The following DCC variants were observed in gnomAD, a reference collection of about 807,000 sequenced individuals.
DCC encodes the protein netrin receptor DCC.
Under a neutral mutation model 172.5 loss-of-function variants are expected in DCC, and 58 were observed. The ratio of observed to expected loss-of-function variants is 0.34; its 90% CI spans 0.27 to 0.42. The LOEUF (loss-of-function observed/expected upper bound fraction) is 0.42. DCC is among the 10% of genes least tolerant of loss of function. DCC has a pLI of 1.00. For missense variants in DCC, 1,740 were observed against 1,791.0 expected (o/e 0.97, Z 0.51); for synonymous variants, 709 against 644.5 (o/e 1.10, Z -1.52).
At chr18:52,835,745 AT>A (rs1483786989) in intron 2 of DCC, among the ~76,000 whole-genome samples, 1 of 152,206 alleles carries the variant, frequency 6.6e-6, no homozygotes, top group African/African-American at 2.4e-5. Context: ...TTCAAAACTG[AT>A]TTTTAATGAA....
At chr18:53,058,096 A>G (rs1041537782) in intron 5 of DCC, among the ~76,000 whole-genome samples, 4 of 152,132 alleles carry the variant, frequency 2.6e-5, no homozygotes, top group African/African-American at 9.6e-5. Context: ...ATGGCCAGAA[A>G]TGTGCTGAAG....
chr18:53,175,069 C>A (rs2055070325), intron 8 of DCC, among the ~76,000 whole-genome samples: 1 of 151,832 alleles, frequency 6.6e-6, no homozygotes, highest in Non-Finnish European at 1.5e-5. Flanking sequence ...GAGCCAAAGA[C>A]AAAAACCACA....
At chr18:52,609,748 T>G (rs2034209819) in intron 1 of DCC, among the ~76,000 whole-genome samples, 1 of 151,968 alleles carries the variant, frequency 6.6e-6, no homozygotes, top group African/African-American at 2.4e-5. Flanking sequence ...TTTGTCAAAT[T>G]ATGTGTTCTG....
At chr18:53,453,999 C>A (rs933312584) in intron 23 of DCC, among the ~76,000 whole-genome samples, 1 of 152,114 alleles carries the variant, frequency 6.6e-6, no homozygotes, top group Non-Finnish European at 1.5e-5. Flanking sequence ...TTTGAAGAGA[C>A]CCCTTCCACA....
intron 7 of DCC, among the ~76,000 whole-genome samples, chr18:53,145,054 GGTA>G (rs2043885577): frequency 6.8e-6 from 1 of 148,044 alleles, no homozygotes; most frequent in Non-Finnish European, 1.5e-5. Flanking sequence ...CCATTGTGGT[GGTA>G]TTAAGTGGTG....
At chr18:52,743,904 T>C (rs1439730666) in intron 1 of DCC, among the ~76,000 whole-genome samples, 1 of 152,224 alleles carries the variant, frequency 6.6e-6, no homozygotes, top group Admixed American at 6.5e-5. Flanking sequence ...TTGGTGGTGT[T>C]GCACTTGGTC....
intron 5 of DCC, among the ~76,000 whole-genome samples, chr18:52,971,835 T>C (rs72926195): frequency 0.035 from 5,350 of 152,182 alleles, 125 homozygotes; most frequent in African/African-American, 0.054. Context: ...AGGTGTGACA[T>C]TTTGTTCCTC....
intron 2 of DCC, among the ~76,000 whole-genome samples, chr18:52,762,540 G>C (rs910692707): frequency 1.1e-4 from 17 of 151,342 alleles, no homozygotes; most frequent in African/African-American, 4.1e-4. Context: ...CAGTATATCT[G>C]GGGCTGGGAG....
chr18:52,790,364 A>T (rs2037738703), intron 2 of DCC, among the ~76,000 whole-genome samples: 1 of 152,184 alleles, frequency 6.6e-6, no homozygotes, highest in Non-Finnish European at 1.5e-5. Flanking sequence ...ATCCCTTTTC[A>T]TTAATTTAAA....
intron 5 of DCC, among the ~76,000 whole-genome samples, chr18:53,024,826 A>G (rs1038671710): frequency 4.6e-5 from 7 of 152,142 alleles, no homozygotes; most frequent in African/African-American, 1.7e-4. Context: ...GATATAAATT[A>G]TGTCTTTTAT....
intron 1 of DCC, among the ~76,000 whole-genome samples, chr18:52,737,126 C>G (rs780433670): frequency 3.9e-5 from 6 of 152,134 alleles, no homozygotes; most frequent in East Asian, 3.9e-4. Flanking sequence ...CTCAGGAGAC[C>G]ATGTCTTTGC....
intron 1 of DCC, among the ~76,000 whole-genome samples, chr18:52,652,724 G>GTGTGTGTGTC (rs1252961635): frequency 6.6e-6 from 1 of 151,692 alleles, no homozygotes; most frequent in Non-Finnish European, 1.5e-5. Flanking sequence ...GTGTGTGTGT[G>GTGTGTGTGTC]TGTGTGTGTG....
intron 27 of DCC, among the ~76,000 whole-genome samples, chr18:53,511,375 C>A (rs769719268): frequency 6.6e-6 from 1 of 152,320 alleles, no homozygotes; most frequent in East Asian, 1.9e-4. Flanking sequence ...AGAGAGGTGG[C>A]TGGGACTTCT....
chr18:53,207,916 T>C (rs2055678835), intron 11 of DCC, 99 bp downstream of exon 11: 1 of 1,145,390 alleles, frequency 8.7e-7, no homozygotes, highest in African/African-American at 1.5e-5. Context: ...TTTTCAAGGC[T>C]TCCTGACTAA....
intron 15 of DCC, among the ~76,000 whole-genome samples, chr18:53,372,736 A>C (rs1014184280): frequency 6.6e-6 from 1 of 151,618 alleles, no homozygotes; most frequent in African/African-American, 2.4e-5. Context: ...TTGAAAATTC[A>C]CTTCTAATGC....
intron 1 of DCC, among the ~76,000 whole-genome samples, chr18:52,718,263 G>T (rs1754978376): frequency 6.6e-6 from 1 of 152,176 alleles, no homozygotes; most frequent in Non-Finnish European, 1.5e-5. Flanking sequence ...TTTGACTGGG[G>T]TATTGGTCAC....
At chr18:52,797,318 C>CT (rs572155910) in intron 2 of DCC, among the ~76,000 whole-genome samples, 15 of 152,174 alleles carry the variant, frequency 9.9e-5, no homozygotes, top group African/African-American at 3.4e-4. Flanking sequence ...ATCATGTTTC[C>CT]TTTTTTTGTT....
intron 5 of DCC, among the ~76,000 whole-genome samples, chr18:52,991,979 G>C (rs1284787510): frequency 6.6e-6 from 1 of 152,190 alleles, no homozygotes; most frequent in Non-Finnish European, 1.5e-5. Context: ...GGGATGCTGT[G>C]AAAATTAGCA....
intron 1 of DCC, among the ~76,000 whole-genome samples, chr18:52,463,134 T>C (rs1188391131): frequency 6.6e-6 from 1 of 152,192 alleles, no homozygotes; most frequent in Non-Finnish European, 1.5e-5. Flanking sequence ...TTAGGCTTTA[T>C]ATATATTTTC....
Sources: gnomAD v4.1 joint callset for allele counts (sites outside exome capture counted in the v4.1 genomes callset) on GRCh38, gnomAD v4.1.1 for gene constraint, MANE v1.5 for transcripts, NCBI Gene and HGNC (gene_info 2026-07-23, HGNC 2026-07-21) for gene names.